Variants in TBX15 observed in about 807,000 individuals in gnomAD.
TBX15 encodes the protein T-box transcription factor 15.
TBX15 carries 18 observed loss-of-function variants against 53.9 expected under a neutral mutation model. The ratio of observed to expected loss-of-function variants is 0.33; its 90% CI spans 0.23 to 0.49. The LOEUF is 0.49. Among genes scored for constraint, TBX15 ranks in the 20% least tolerant of loss-of-function variants. The probability of loss-of-function intolerance (pLI) is 0.98; values close to 1 mark genes in which losing one functional copy is unlikely to be tolerated. For synonymous variants in TBX15, 295 were observed against 278.0 expected (o/e 1.06, Z -0.61); for missense variants, 692 against 749.5 (o/e 0.92, Z 0.90).
intron 7 of TBX15, among the ~76,000 whole-genome samples, chr1:118,892,394 A>C (rs1654176128): frequency 6.6e-6 from 1 of 152,220 alleles, no homozygotes; most frequent in Admixed American, 6.5e-5. Flanking sequence ...CTAAAAGTTC[A>C]GTAGAAAGAA....
intron 1 of TBX15, among the ~76,000 whole-genome samples, chr1:118,960,063 A>G (rs1167877409): frequency 1.3e-5 from 2 of 150,746 alleles, no homozygotes; most frequent in Admixed American, 6.6e-5. Context: ...CTTGAAGAGA[A>G]AGAGAAAAAA....
chr1:118,925,092 A>T (rs1206299048), intron 3 of TBX15, among the ~76,000 whole-genome samples: 12 of 152,180 alleles, frequency 7.9e-5, no homozygotes, highest in Admixed American at 7.2e-4. Flanking sequence ...CAAGGAAAAC[A>T]TTCTCACAGC....
intron 1 of TBX15, among the ~76,000 whole-genome samples, chr1:118,980,196 G>T (rs983094009): frequency 4.6e-5 from 7 of 152,192 alleles, no homozygotes; most frequent in Non-Finnish European, 1.0e-4. Context: ...GAAGTGAGTG[G>T]CAAGTAAGGG....
At chr1:118,893,046 A>G (rs1654206765) in intron 7 of TBX15, among the ~76,000 whole-genome samples, 2 of 151,830 alleles carry the variant, frequency 1.3e-5, no homozygotes, top group Admixed American at 1.3e-4. Flanking sequence ...CAGTTTCAGC[A>G]TGGCCAGCAT....
chr1:118,932,593 G>C (rs945913534), intron 1 of TBX15, among the ~76,000 whole-genome samples: 2 of 152,138 alleles, frequency 1.3e-5, no homozygotes, highest in Non-Finnish European at 2.9e-5. Context: ...GCAGAGGGGA[G>C]GGGTGATCCA....
intron 1 of TBX15, among the ~76,000 whole-genome samples, chr1:118,945,801 A>G (rs894885126): frequency 6.6e-6 from 1 of 152,240 alleles, no homozygotes; most frequent in Non-Finnish European, 1.5e-5. Context: ...GCATTTTGAC[A>G]GGTCAGATAT....
At chr1:118,897,324 G>T (rs995582366) in intron 7 of TBX15, among the ~76,000 whole-genome samples, 1 of 152,100 alleles carries the variant, frequency 6.6e-6, no homozygotes, top group African/African-American at 2.4e-5. Context: ...CTATTCATTG[G>T]GTACGTACTG....
chr1:118,960,549 G>GTTTA (rs1168241815), intron 1 of TBX15, among the ~76,000 whole-genome samples: 1 of 152,170 alleles, frequency 6.6e-6, no homozygotes, highest in Non-Finnish European at 1.5e-5. Context: ...AAGTACCAAA[G>GTTTA]TTTATACAAC....
chr1:118,909,469 C>G (rs1476427098), intron 6 of TBX15, among the ~76,000 whole-genome samples: 1 of 152,246 alleles, frequency 6.6e-6, no homozygotes, highest in African/African-American at 2.4e-5. Flanking sequence ...TGAATCAGAT[C>G]AGTCATTCTG....
intron 1 of TBX15, among the ~76,000 whole-genome samples, chr1:118,958,852 T>C (rs1449921452): frequency 6.6e-6 from 1 of 151,946 alleles, no homozygotes; most frequent in Non-Finnish European, 1.5e-5. Flanking sequence ...TAAACAGCTG[T>C]TTCACCCTAG....
At chr1:118,949,215 T>C (rs1656439481) in intron 1 of TBX15, among the ~76,000 whole-genome samples, 1 of 152,368 alleles carries the variant, frequency 6.6e-6, no homozygotes, top group Non-Finnish European at 1.5e-5. Flanking sequence ...CTAAGGCTTC[T>C]ACTGGAATGC....
chr1:118,909,464 C>T (rs1654954810), intron 6 of TBX15, among the ~76,000 whole-genome samples: 2 of 152,338 alleles, frequency 1.3e-5, no homozygotes, highest in South Asian at 4.1e-4. Context: ...ACTCATGAAT[C>T]AGATCAGTCA....
chr1:118,887,153 T>A (rs1017119957), intron 7 of TBX15, among the ~76,000 whole-genome samples: 3 of 152,180 alleles, frequency 2.0e-5, no homozygotes, highest in African/African-American at 7.2e-5. Context: ...AGCAGCTGCT[T>A]TGTCTTCCAT....
chr1:118,932,707 G>A (rs1655838915), intron 1 of TBX15, among the ~76,000 whole-genome samples: 1 of 152,148 alleles, frequency 6.6e-6, no homozygotes, highest in South Asian at 2.1e-4. Context: ...TGGGGCTGGG[G>A]GGCAGGGGAA....
intron 3 of TBX15, 81 bp from the exon 4 acceptor site, chr1:118,924,898 G>A: frequency 8.1e-6 from 12 of 1,480,936 alleles, no homozygotes; most frequent in Non-Finnish European, 1.0e-5. Context: ...TTGAGACAGG[G>A]GAAAGGAGAG....
intron 1 of TBX15, among the ~76,000 whole-genome samples, chr1:118,940,622 A>G (rs1656140799): frequency 6.6e-6 from 1 of 151,934 alleles, no homozygotes; most frequent in South Asian, 2.1e-4. Context: ...TCTATGTTTG[A>G]AGAGAATTCA....
chr1:118,922,471 C>T (rs979181950), intron 5 of TBX15, among the ~76,000 whole-genome samples: 8 of 152,204 alleles, frequency 5.3e-5, no homozygotes, highest in African/African-American at 1.2e-4. Flanking sequence ...AATTTATACA[C>T]GTTTCCTTAT....
At chr1:118,890,865 A>G (rs1170820971) in intron 7 of TBX15, 18 of 1,302,296 alleles carry the variant, frequency 1.4e-5, no homozygotes, top group Non-Finnish European at 1.8e-5. Flanking sequence ...CCATGTAATT[A>G]CTTCGTTCCA....
chr1:118,934,707 G>A (rs182428122), intron 1 of TBX15, among the ~76,000 whole-genome samples: 5 of 152,286 alleles, frequency 3.3e-5, no homozygotes, highest in Admixed American at 3.3e-4. Context: ...ATTACATACT[G>A]TCTCAGATGT....
Sources: allele counts gnomAD v4.1 joint callset (sites outside exome capture counted in the v4.1 genomes callset), GRCh38; gene constraint gnomAD v4.1.1; transcripts MANE v1.5; gene names NCBI Gene and HGNC (gene_info 2026-07-23, HGNC 2026-07-21).